Variants in TBC1D8 observed in about 807,000 individuals in gnomAD.
TBC1D8 encodes the protein BUB2-like protein 1.
In TBC1D8, 65 loss-of-function variants were observed where a neutral mutation model predicts 118.8. The ratio of observed to expected loss-of-function variants is 0.55; its 90% CI spans 0.45 to 0.67. The LOEUF (loss-of-function observed/expected upper bound fraction) is 0.67, where lower values mean the gene tolerates loss of function less well. Ranked by LOEUF, TBC1D8 falls within the 30% of genes least tolerant of loss-of-function variation. The probability of loss-of-function intolerance (pLI) is 0.00; values close to 1 mark genes in which losing one functional copy is unlikely to be tolerated. For synonymous variants in TBC1D8, 566 were observed against 595.8 expected, an observed-to-expected ratio of 0.95 and a Z score of 0.73; for missense variants, 1,376 against 1,471.2, an observed-to-expected ratio of 0.94 and a Z score of 1.06.
intron 15 of TBC1D8, chr2:101,024,029 A>T (rs1680193903): frequency 6.6e-6 from 1 of 152,450 alleles, no homozygotes; most frequent in African/African-American, 2.4e-5. Flanking sequence ...TCTGTTCCTT[A>T]AAACCCAAGG....
At chr2:101,080,724 TAAAG>T (rs1365980046) in intron 2 of TBC1D8, among the ~76,000 whole-genome samples, 1 of 151,518 alleles carries the variant, frequency 6.6e-6, no homozygotes, top group African/African-American at 2.4e-5. Context: ...GAGGAACAAA[TAAAG>T]AAAGTATGGG....
At chr2:101,057,610 G>C (rs1465049939) in intron 3 of TBC1D8, among the ~76,000 whole-genome samples, 1 of 152,224 alleles carries the variant, frequency 6.6e-6, no homozygotes, top group Non-Finnish European at 1.5e-5. Context: ...AGGATTGCTT[G>C]AGCCCAGGAG....
intron 5 of TBC1D8, among the ~76,000 whole-genome samples, chr2:101,045,316 G>T (rs1187288207): frequency 1.3e-5 from 2 of 152,170 alleles, no homozygotes; most frequent in Non-Finnish European, 2.9e-5. Context: ...TTTCGGTAAA[G>T]ATGTATCAAA....
chr2:101,029,467 C>G, intron 12 of TBC1D8, 24 bp downstream of exon 12: 1 of 1,601,046 alleles, frequency 6.2e-7, no homozygotes, highest in Non-Finnish European at 8.5e-7. Context: ...CTCTGGTTGG[C>G]CACAGAGGTG....
At chr2:101,136,670 T>C (rs900969130) in intron 1 of TBC1D8, among the ~76,000 whole-genome samples, 2 of 152,208 alleles carry the variant, frequency 1.3e-5, no homozygotes, top group African/African-American at 4.8e-5. Context: ...CACTTGTGCA[T>C]ACATACAATT....
chr2:101,137,429 C>T (rs942864285), intron 1 of TBC1D8, among the ~76,000 whole-genome samples: 3 of 152,274 alleles, frequency 2.0e-5, no homozygotes, highest in African/African-American at 7.2e-5. Flanking sequence ...TCTCCTGCCT[C>T]AGCCTCTCGA....
chr2:101,118,556 G>C (rs948510905), intron 1 of TBC1D8, among the ~76,000 whole-genome samples: 11 of 151,932 alleles, frequency 7.2e-5, no homozygotes, highest in African/African-American at 2.4e-4. Context: ...AATTAGCCAG[G>C]CTTGGTGGCA....
intron 1 of TBC1D8, among the ~76,000 whole-genome samples, chr2:101,139,586 C>T (rs1679011763): frequency 6.6e-6 from 1 of 152,166 alleles, no homozygotes. Context: ...CTTGCCCATG[C>T]CTCAGTCCCC....
At chr2:101,091,256 G>C (rs1207722145) in intron 1 of TBC1D8, among the ~76,000 whole-genome samples, 6 of 152,184 alleles carry the variant, frequency 3.9e-5, no homozygotes, top group African/African-American at 1.4e-4. Context: ...TTGCACTCCA[G>C]CCTGGGCAAC....
At chr2:101,114,702 C>G (rs1399885098) in intron 1 of TBC1D8, among the ~76,000 whole-genome samples, 1 of 152,170 alleles carries the variant, frequency 6.6e-6, no homozygotes, top group Middle Eastern at 3.2e-3. Context: ...TTTGTTTTTA[C>G]TTTGTTCTGG....
intron 1 of TBC1D8, among the ~76,000 whole-genome samples, chr2:101,134,232 C>G (rs1247460502): frequency 7.0e-6 from 1 of 142,342 alleles, no homozygotes; most frequent in East Asian, 2.1e-4. Flanking sequence ...CACACACACA[C>G]ACAGACTTTC....
chr2:101,014,985 G>A (rs187837402), intron 17 of TBC1D8, among the ~76,000 whole-genome samples: 1 of 140,416 alleles, frequency 7.1e-6, no homozygotes, highest in Non-Finnish European at 1.6e-5. Context: ...ATAGAGTCAT[G>A]TGTCAATGAG....
rs1225203916 is a variant in TBC1D8 at position 101,007,803 on chromosome 2, A to G, written c.*18T>C. 2.5e-6 allele frequency: 4 copies of G among 1,609,480 alleles called. No homozygotes were observed. Among genetic ancestry groups the G allele is most frequent in the African/African-American group, 1.3e-5 (1 of 74,938 alleles). ...TTTGGTATGGTGGACTCCAGTGTGCATAGCAGCTGCTGTCTTGCTACAAGT... is the reference window on the plus strand; with the variant it reads ...TTTGGTATGGTGGACTCCAGTGTGCGTAGCAGCTGCTGTCTTGCTACAAGT... On this transcript the variant is annotated 3_prime_UTR_variant, in exon 20 of 20. Coordinates refer to ENST00000409318, the MANE Select transcript of TBC1D8 (RefSeq NM_001330348.2).
At chr2:101,048,739 T>TA (rs1681863473) in intron 5 of TBC1D8, among the ~76,000 whole-genome samples, 17 of 150,456 alleles carry the variant, frequency 1.1e-4, no homozygotes, top group Admixed American at 7.3e-4. Flanking sequence ...ATAAGTCTTT[T>TA]TAAAAAAAAA....
chr2:101,028,499 C>T (rs1384368577), intron 12 of TBC1D8, 67 bp from the exon 13 acceptor site: 6 of 1,504,274 alleles, frequency 4.0e-6, no homozygotes, highest in African/African-American at 1.4e-5. Flanking sequence ...GGGCTGCCTT[C>T]ACAGTGTCAG....
intron 1 of TBC1D8, among the ~76,000 whole-genome samples, chr2:101,118,429 G>T (rs897861275): frequency 3.9e-5 from 6 of 152,196 alleles, no homozygotes; most frequent in South Asian, 2.1e-4. Context: ...GGGCACAGTG[G>T]CTCATGCCTG....
chr2:101,103,396 T>G (rs1028333335), intron 1 of TBC1D8, among the ~76,000 whole-genome samples: 1 of 150,306 alleles, frequency 6.7e-6, no homozygotes, highest in African/African-American at 2.4e-5. Flanking sequence ...CTTTTTTTTT[T>G]TTTTTCTTTT....
At chr2:101,017,537 G>A (rs1194065734) in intron 17 of TBC1D8, among the ~76,000 whole-genome samples, 3 of 152,142 alleles carry the variant, frequency 2.0e-5, no homozygotes, top group South Asian at 4.1e-4. Flanking sequence ...CATCATACAT[G>A]CTGTCTATCC....
In TBC1D8 at chr2:101,022,483, C is replaced by A; in HGVS notation, c.2559G>T (p.Arg853Ser). 1 of 1,604,360 alleles carries A rather than the reference C, an allele frequency of 6.2e-7. No individual in the cohort carries two copies. ...TGGGGTCGTGGCGTGAGGCCATGGG[C>A]CTGGGCTGCTCCCAGTAACAGCTCA... The part of the protein sequence containing the change: ...HMMSCYWEQP[R>S]PMASRHDPSR... The change falls in exon 16 of 20, where the codon AGG becomes AGT. Residue 853 changes from arginine (R) to serine (S), a missense_variant. Transcript: ENST00000409318.
Sources: gnomAD v4.1 joint callset for allele counts (sites outside exome capture counted in the v4.1 genomes callset) on GRCh38, gnomAD v4.1.1 for gene constraint, MANE v1.5 for transcripts, NCBI Gene and HGNC (gene_info 2026-07-23, HGNC 2026-07-21) for gene names.